Variants in TENM3 observed in about 807,000 individuals in gnomAD.
TENM3 encodes teneurin transmembrane protein 3.
TENM3 carries 63 observed loss-of-function variants against 255.1 expected under a neutral mutation model. The observed-to-expected ratio is 0.25, with a 90% CI of 0.20 to 0.30. The LOEUF (loss-of-function observed/expected upper bound fraction) is 0.30, where lower values mean the gene tolerates loss of function less well. Ranked by LOEUF, TENM3 falls within the 10% of genes least tolerant of loss-of-function variation. TENM3 has a pLI of 1.00. For missense variants in TENM3, 2,929 were observed against 3,461.1 expected, an observed-to-expected ratio of 0.85 and a Z score of 3.86; for synonymous variants, 1,306 against 1,322.3, an observed-to-expected ratio of 0.99 and a Z score of 0.27.
the TENM3 span, among the ~76,000 whole-genome samples, chr4:181,730,810 T>C: frequency 1.3e-5 from 2 of 152,184 alleles, no homozygotes; most frequent in Non-Finnish European, 2.9e-5. Context: ...GCTCCAAAAA[T>C]TAAGCTGTAA....
chr4:182,124,811 A>C, the TENM3 span, among the ~76,000 whole-genome samples: 1 of 152,264 alleles, frequency 6.6e-6, no homozygotes. Context: ...TATTACATAG[A>C]AAGTTCCAGA....
At chr4:181,734,799 C>A in the TENM3 span, among the ~76,000 whole-genome samples, 1 of 152,140 alleles carries the variant, frequency 6.6e-6, no homozygotes, top group Non-Finnish European at 1.5e-5. Flanking sequence ...AAAATGAACA[C>A]AGAATAACCA....
the TENM3 span, among the ~76,000 whole-genome samples, chr4:181,635,771 G>T: frequency 6.6e-6 from 1 of 152,138 alleles, no homozygotes; most frequent in Non-Finnish European, 1.5e-5. Flanking sequence ...AAGAAAGGGT[G>T]CAAGAGCTTT....
chr4:182,410,865 T>A (rs1163357279), intron 3 of TENM3, among the ~76,000 whole-genome samples: 1 of 152,236 alleles, frequency 6.6e-6, no homozygotes, highest in Non-Finnish European at 1.5e-5. Flanking sequence ...GTATTCACTC[T>A]ATTGGAACTA....
At chr4:182,299,778 G>T (rs1561295968) in intron 1 of TENM3, among the ~76,000 whole-genome samples, 2 of 152,138 alleles carry the variant, frequency 1.3e-5, no homozygotes, top group Non-Finnish European at 2.9e-5. Context: ...AAGGACGGGG[G>T]GAGGGAGGGA....
At chr4:182,459,838 TTAAAG>T (rs1774196893) in intron 3 of TENM3, among the ~76,000 whole-genome samples, 1 of 152,196 alleles carries the variant, frequency 6.6e-6, no homozygotes, top group South Asian at 2.1e-4. Flanking sequence ...AATTGTAAAC[TTAAAG>T]TATTTGTCTC....
chr4:181,535,973 C>T, the TENM3 span, among the ~76,000 whole-genome samples: 1 of 152,228 alleles, frequency 6.6e-6, no homozygotes, highest in African/African-American at 2.4e-5. Flanking sequence ...ATTTTAGCCA[C>T]ATTTCCCTAA....
At chr4:181,765,885 A>T in the TENM3 span, among the ~76,000 whole-genome samples, 1 of 152,204 alleles carries the variant, frequency 6.6e-6, no homozygotes, top group African/African-American at 2.4e-5. Flanking sequence ...GCACTAGTGT[A>T]ATTTACCATA....
chr4:182,505,582 G>C (rs555312029), intron 3 of TENM3, among the ~76,000 whole-genome samples: 4 of 151,894 alleles, frequency 2.6e-5, no homozygotes, highest in Non-Finnish European at 5.9e-5. Flanking sequence ...AGGTTCAAGC[G>C]ATTCTCCTGC....
intron 18 of TENM3, 51 bp downstream of exon 18, chr4:182,738,595 A>G (rs1239810347): frequency 1.4e-6 from 2 of 1,465,596 alleles, no homozygotes; most frequent in East Asian, 5.0e-5. Flanking sequence ...GTTCAGAGAT[A>G]GCTAATGTTG....
At chr4:182,533,340 C>G (rs78653720) in intron 3 of TENM3, among the ~76,000 whole-genome samples, 5,571 of 151,828 alleles carry the variant, frequency 0.037, 136 homozygotes, top group Middle Eastern at 0.061. Context: ...TTGCTTTAGC[C>G]CAGGAGTTTA....
intron 4 of TENM3, among the ~76,000 whole-genome samples, chr4:182,624,197 T>G (rs1047823596): frequency 1.3e-5 from 2 of 152,170 alleles, no homozygotes; most frequent in African/African-American, 2.4e-5. Context: ...TAAAATGAAA[T>G]ATTTTTTCTA....
chr4:181,524,578 A>G, the TENM3 span, among the ~76,000 whole-genome samples: 2 of 152,158 alleles, frequency 1.3e-5, no homozygotes, highest in Non-Finnish European at 2.9e-5. Flanking sequence ...TCTCAGTTTG[A>G]CTGATTAATT....
chr4:182,479,701 G>A (rs1734011356), intron 3 of TENM3, among the ~76,000 whole-genome samples: 1 of 151,884 alleles, frequency 6.6e-6, no homozygotes, highest in Non-Finnish European at 1.5e-5. Flanking sequence ...AATAACCATA[G>A]GATCTACTGA....
chr4:181,637,981 T>A, the TENM3 span, among the ~76,000 whole-genome samples: 1 of 151,954 alleles, frequency 6.6e-6, no homozygotes, highest in Non-Finnish European at 1.5e-5. Flanking sequence ...GTAGAAGGGG[T>A]TTGGACCACA....
chr4:181,593,578 A>C, the TENM3 span, among the ~76,000 whole-genome samples: 1 of 152,230 alleles, frequency 6.6e-6, no homozygotes, highest in African/African-American at 2.4e-5. Context: ...ACTGGATAAA[A>C]GAAATTTAAG....
chr4:182,144,204 AC>A (rs1749703373), upstream of TENM3: 1 of 3,012 alleles, frequency 3.3e-4, no homozygotes, highest in Non-Finnish European at 6.3e-4. Flanking sequence ...ACACTCCCGC[AC>A]ACACACACAC....
chr4:181,601,703 G>T, the TENM3 span, among the ~76,000 whole-genome samples: 2 of 151,994 alleles, frequency 1.3e-5, no homozygotes, highest in Non-Finnish European at 2.9e-5. Context: ...TATTATAGGG[G>T]TTACATTTTG....
At chr4:181,951,457 G>C in the TENM3 span, among the ~76,000 whole-genome samples, 9 of 152,226 alleles carry the variant, frequency 5.9e-5, no homozygotes, top group Admixed American at 2.0e-4. Context: ...TGTTGACAGA[G>C]GTTGACACTT....
Sources: allele counts gnomAD v4.1 joint callset (sites outside exome capture counted in the v4.1 genomes callset), GRCh38; gene constraint gnomAD v4.1.1; transcripts MANE v1.5; gene names NCBI Gene and HGNC (gene_info 2026-07-23, HGNC 2026-07-21).